Variants in LOC400499 observed in about 807,000 individuals in gnomAD.
At chr16:11,416,531 C>G in the LOC400499 span, among the ~76,000 whole-genome samples, 1 of 152,188 alleles carries the variant, frequency 6.6e-6, no homozygotes, top group Admixed American at 6.5e-5. Flanking sequence ...ATGCACCCTA[C>G]GGCGAAGCAG....
chr16:11,450,696 G>A, the LOC400499 span: 3 of 1,536,144 alleles, frequency 2.0e-6, no homozygotes, highest in Middle Eastern at 1.7e-4. Flanking sequence ...TGACCACCAG[G>A]TCCTTTAGGG....
chr16:11,454,715 A>G, the LOC400499 span, among the ~76,000 whole-genome samples: 3 of 152,362 alleles, frequency 2.0e-5, no homozygotes, highest in Admixed American at 2.0e-4. Context: ...TAAGCTGCCC[A>G]ATTCAGTAAT....
chr16:11,429,721 G>A, the LOC400499 span, among the ~76,000 whole-genome samples: 23,804 of 151,702 alleles, frequency 0.16, 3,626 homozygotes, highest in African/African-American at 0.39. Flanking sequence ...TGATCTGCCC[G>A]CCTCAGCCTC....
chr16:11,459,958 G>C, the LOC400499 span: 1 of 1,513,028 alleles, frequency 6.6e-7, no homozygotes. Flanking sequence ...CTGACACGGA[G>C]ATGCCTCTTG....
chr16:11,520,071 G>C, the LOC400499 span, among the ~76,000 whole-genome samples: 2 of 152,102 alleles, frequency 1.3e-5, no homozygotes, highest in African/African-American at 4.8e-5. Context: ...CAGAACAGAG[G>C]GGACTAGAGT....
the LOC400499 span, chr16:11,380,811 G>C: frequency 1.3e-5 from 2 of 152,108 alleles, no homozygotes; most frequent in African/African-American, 4.8e-5. Context: ...TTTTGTTGAT[G>C]GCTGACGTAG....
At chr16:11,429,789 T>A in the LOC400499 span, among the ~76,000 whole-genome samples, 94,556 of 149,124 alleles carry the variant, frequency 0.63, 30,529 homozygotes, top group African/African-American at 0.79. Flanking sequence ...GCAATAAATT[T>A]AAAAAAAAAA....
the LOC400499 span, chr16:11,461,971 G>A: frequency 5.2e-5 from 37 of 711,236 alleles, no homozygotes; most frequent in Non-Finnish European, 7.6e-5. Context: ...AGGTTCTGGG[G>A]GCTCACATGG....
At chr16:11,456,874 G>A in the LOC400499 span, 15 of 1,536,248 alleles carry the variant, frequency 9.8e-6, no homozygotes, top group South Asian at 1.3e-4. Flanking sequence ...CACTTCCACA[G>A]GGTGGCCCGA....
chr16:11,473,355 A>G, the LOC400499 span, among the ~76,000 whole-genome samples: 50,525 of 150,512 alleles, frequency 0.34, 9,167 homozygotes, highest in African/African-American at 0.46. Context: ...AAAAAAAAAA[A>G]GAAAAAAAAA....
At chr16:11,418,882 GA>G in the LOC400499 span, among the ~76,000 whole-genome samples, 1 of 152,188 alleles carries the variant, frequency 6.6e-6, no homozygotes. Context: ...AACCTTCAGT[GA>G]GGCCAGGTGC....
At chr16:11,513,966 G>A in the LOC400499 span, among the ~76,000 whole-genome samples, 4 of 152,202 alleles carry the variant, frequency 2.6e-5, no homozygotes, top group East Asian at 7.7e-4. Context: ...TTCTTTCTGT[G>A]CAGAATTGTA....
the LOC400499 span, chr16:11,469,216 A>G: frequency 2.5e-6 from 1 of 399,552 alleles, no homozygotes; most frequent in Non-Finnish European, 4.4e-6. Context: ...ACCAGCTCCA[A>G]GTGACCCGTG....
the LOC400499 span, among the ~76,000 whole-genome samples, chr16:11,385,824 G>C: frequency 6.6e-6 from 1 of 152,176 alleles, no homozygotes; most frequent in East Asian, 1.9e-4. Context: ...AATCGACTGT[G>C]GTGATGCAGG....
At chr16:11,483,025 A>G in the LOC400499 span, among the ~76,000 whole-genome samples, 4 of 152,238 alleles carry the variant, frequency 2.6e-5, no homozygotes, top group Admixed American at 2.6e-4. Flanking sequence ...CATTTCACCA[A>G]AGAAGACGTA....
chr16:11,384,747 G>T, the LOC400499 span: 1 of 677,390 alleles, frequency 1.5e-6, no homozygotes, highest in Non-Finnish European at 2.1e-6. Context: ...GGAGTTGAGG[G>T]CACACGCGCT....
the LOC400499 span, among the ~76,000 whole-genome samples, chr16:11,394,440 G>A: frequency 6.6e-6 from 1 of 152,204 alleles, no homozygotes; most frequent in South Asian, 2.1e-4. Flanking sequence ...CCCTCTCTGG[G>A]CCTCAGCTCC....
the LOC400499 span, chr16:11,462,390 G>A: frequency 7.3e-7 from 1 of 1,377,466 alleles, no homozygotes; most frequent in Non-Finnish European, 9.4e-7. Flanking sequence ...GACAGGGCAG[G>A]AGACAACATC....
chr16:11,487,134 G>T, the LOC400499 span: 8 of 397,158 alleles, frequency 2.0e-5, no homozygotes, highest in South Asian at 9.9e-4. Flanking sequence ...TGGGTGACTA[G>T]ATATTAGGGG....
Sources: allele counts gnomAD v4.1 joint callset (sites outside exome capture counted in the v4.1 genomes callset), GRCh38; gene constraint gnomAD v4.1.1; transcripts MANE v1.5.